Variants in COL13A1 observed in about 807,000 individuals in gnomAD.
The protein encoded by COL13A1 is collagen alpha-1(XIII) chain.
Under a neutral mutation model 130.9 loss-of-function variants are expected in COL13A1, and 89 were observed. The observed-to-expected ratio is 0.68, with a 90% confidence interval of 0.57 to 0.81. The LOEUF (loss-of-function observed/expected upper bound fraction) is 0.81, where lower values mean the gene tolerates loss of function less well. Ranked by LOEUF, COL13A1 falls within the 30% of genes least tolerant of loss-of-function variation. The probability of loss-of-function intolerance (pLI) is 0.00; values close to 1 mark genes in which losing one functional copy is unlikely to be tolerated. For missense variants in COL13A1, 879 were observed against 934.6 expected, an observed-to-expected ratio of 0.94 and a Z score of 0.78; for synonymous variants, 402 against 341.6, an observed-to-expected ratio of 1.18 and a Z score of -1.95.
chr10:69,806,586 A>G (rs1178222138), intron 1 of COL13A1, among the ~76,000 whole-genome samples: 1 of 152,234 alleles, frequency 6.6e-6, no homozygotes, highest in African/African-American at 2.4e-5. Flanking sequence ...CGAGCACTCC[A>G]GCTGCCTGTT....
At chr10:69,889,587 C>T in intron 10 of COL13A1, 147 bp downstream of exon 10, 2 of 1,018,854 alleles carry the variant, frequency 2.0e-6, no homozygotes, top group Non-Finnish European at 3.0e-6. Flanking sequence ...AAACCACATG[C>T]CCTGGATCCT....
chr10:69,848,265 C>T (rs1254250130), intron 2 of COL13A1, among the ~76,000 whole-genome samples: 1 of 152,172 alleles, frequency 6.6e-6, no homozygotes, highest in Non-Finnish European at 1.5e-5. Context: ...AAGCTACCGG[C>T]CTGAGCTGAA....
chr10:69,856,906 G>A (rs1489713275), intron 2 of COL13A1, among the ~76,000 whole-genome samples: 4 of 152,152 alleles, frequency 2.6e-5, no homozygotes. Flanking sequence ...AGAGCTGAGG[G>A]GTCAGAGCCA....
At chr10:69,888,269 T>A (rs1286365116) in intron 8 of COL13A1, 35 bp from the exon 9 acceptor site, 1 of 1,611,572 alleles carries the variant, frequency 6.2e-7, no homozygotes, top group East Asian at 2.2e-5. Context: ...AGTCCTGTGA[T>A]GCTCAGTCTT....
rs778730218 is a variant in COL13A1, at chr10:69,958,699, T to C, written c.2185T>C (p.Ter729ArgextTer3). The change falls in exon 41 of 41, where the codon TGA (stop) becomes CGA (arginine). Residue 729 changes from the stop codon to arginine (R), a stop_lost and splice_region_variant. Transcript: ENST00000645393. ...GLPVQGCWNK[*>R] is the part of the protein sequence containing the mutation. ...ACATTGTTTTGTTTTTGTTTTGCAG[T>C]GATGCCTCTAACCTTGGATTGGCCT... is the stretch of plus-strand genomic sequence containing the variant. The C allele has an allele frequency of 1.9e-6, 3 of 1,613,988 alleles. No homozygotes were observed. The African/African-American group carries it at 4.0e-5, about 22-fold the overall frequency.
chr10:69,943,711 C>T (rs565521707), intron 35 of COL13A1, among the ~76,000 whole-genome samples: 11 of 152,210 alleles, frequency 7.2e-5, no homozygotes, highest in East Asian at 3.9e-4. Flanking sequence ...TGTGTGCATC[C>T]GCATCCATCT....
At chr10:69,942,797 C>T (rs2067838423) in intron 35 of COL13A1, among the ~76,000 whole-genome samples, 1 of 152,182 alleles carries the variant, frequency 6.6e-6, no homozygotes, top group Admixed American at 6.5e-5. Context: ...GCCTCCGAGG[C>T]AAGGCCAGCC....
At chr10:69,862,242 T>C (rs1356299628) in intron 2 of COL13A1, among the ~76,000 whole-genome samples, 3 of 152,190 alleles carry the variant, frequency 2.0e-5, no homozygotes, top group African/African-American at 7.2e-5. Context: ...TTACCAGCCA[T>C]GAATAATAGG....
intron 39 of COL13A1, among the ~76,000 whole-genome samples, chr10:69,953,258 G>A (rs750709392): frequency 3.9e-5 from 6 of 152,194 alleles, no homozygotes; most frequent in Non-Finnish European, 7.3e-5. Flanking sequence ...GATTTTCAGG[G>A]AAGGCCTCAG....
At chr10:69,920,005 T>A (rs910623609) in intron 21 of COL13A1, among the ~76,000 whole-genome samples, 15 of 152,300 alleles carry the variant, frequency 9.8e-5, no homozygotes, top group African/African-American at 3.6e-4. Flanking sequence ...CCACATCCTT[T>A]CCTTCTCCAC....
chr10:69,807,642 A>G (rs989900523), intron 1 of COL13A1, among the ~76,000 whole-genome samples: 5 of 152,268 alleles, frequency 3.3e-5, no homozygotes, highest in African/African-American at 9.6e-5. Context: ...GGGGATGTAC[A>G]TGTGTGCTAG....
chr10:69,930,495 C>A lies in COL13A1; in HGVS notation c.1626C>A (p.His542Gln). The A allele has an allele frequency of 6.2e-7, 1 of 1,613,822 alleles. No individual in the cohort carries two copies. Among genetic ancestry groups the A allele is most frequent in the Non-Finnish European group, 8.5e-7 (1 of 1,179,830 alleles). ...GPPGVKGENG[H>Q]PGSPGEKGEK... ...CAGGAGTGAAGGGAGAAAACGGGCA[C>A]CCAGGGAGCCCAGGAGAGAAGGGGG... Residue 542 changes from histidine (H) to glutamine (Q), a missense_variant, in exon 30 of 41, where the codon CAC (histidine) becomes CAA (glutamine). Physicochemically the swap from His to Gln is conservative, Grantham distance 24. Around this residue, in one of 3 missense-constraint regions of COL13A1, gnomAD observed 715 missense variants for 721.0 expected, o/e 0.99. Coordinates refer to ENST00000645393, the MANE Select transcript of COL13A1 (RefSeq NM_001368882.1).
chr10:69,876,520 G>A (rs1366067521), intron 5 of COL13A1, among the ~76,000 whole-genome samples: 1 of 152,138 alleles, frequency 6.6e-6, no homozygotes, highest in Admixed American at 6.5e-5. Context: ...GCCCTGGGCC[G>A]CCCCACGAGA....
At chr10:69,936,196 A>G (rs1054815431) in intron 32 of COL13A1, among the ~76,000 whole-genome samples, 22 of 147,914 alleles carry the variant, frequency 1.5e-4, no homozygotes, top group South Asian at 6.7e-4. Context: ...GGAAGGAAGG[A>G]AGGGCGAGCC....
chr10:69,804,227 G>A (rs1250212842), intron 1 of COL13A1, among the ~76,000 whole-genome samples: 3 of 151,962 alleles, frequency 2.0e-5, no homozygotes, highest in Non-Finnish European at 2.9e-5. Context: ...GCTCCTCCAG[G>A]TATCTCGGGG....
intron 2 of COL13A1, among the ~76,000 whole-genome samples, chr10:69,842,303 G>A (rs10823442): frequency 0.1 from 15,810 of 152,164 alleles, 1,010 homozygotes; most frequent in East Asian, 0.2. Context: ...CAGGGTTGTG[G>A]GGCCTCCCCA....
chr10:69,816,230 G>T (rs752118466), intron 1 of COL13A1, among the ~76,000 whole-genome samples: 13 of 146,664 alleles, frequency 8.9e-5, no homozygotes, highest in Admixed American at 2.1e-4. Flanking sequence ...TCTCGGATGC[G>T]TCTGGCAGGT....
chr10:69,803,551 G>C (rs1447191822), intron 1 of COL13A1, among the ~76,000 whole-genome samples: 2 of 152,186 alleles, frequency 1.3e-5, no homozygotes, highest in African/African-American at 2.4e-5. Flanking sequence ...CAGCACAGGG[G>C]ATTCAGGGCC....
At chr10:69,890,822 G>A (rs1177807314) in intron 10 of COL13A1, among the ~76,000 whole-genome samples, 3 of 152,222 alleles carry the variant, frequency 2.0e-5, no homozygotes, top group Admixed American at 6.5e-5. Context: ...GCGTAACTCT[G>A]TGCTCCAGGT....
Sources: allele counts gnomAD v4.1 joint callset (sites outside exome capture counted in the v4.1 genomes callset), GRCh38; gene constraint gnomAD v4.1.1; regional missense constraint gnomAD v4.1.1; transcripts MANE v1.5; gene names NCBI Gene and HGNC (gene_info 2026-07-23, HGNC 2026-07-21).